WDFY4: variants seen among roughly 807,000 people sequenced by gnomAD.
WDFY4 encodes WD repeat- and FYVE domain-containing protein 4.
Under a neutral mutation model 351.9 loss-of-function variants are expected in WDFY4, and 169 were observed. The ratio of observed to expected loss-of-function variants is 0.48; its 90% CI spans 0.42 to 0.55. The LOEUF (loss-of-function observed/expected upper bound fraction) is 0.55. WDFY4 is among the 20% of genes least tolerant of loss of function. The probability of loss-of-function intolerance (pLI) is 0.00; values close to 1 mark genes in which losing one functional copy is unlikely to be tolerated. For synonymous variants in WDFY4, 1,622 were observed against 1,574.6 expected (o/e 1.03, Z -0.71); for missense variants, 3,803 against 3,935.6 (o/e 0.97, Z 0.90).
At chr10:48,920,379 AG>A (rs1226198282) in intron 47 of WDFY4, among the ~76,000 whole-genome samples, 1 of 108,730 alleles carries the variant, frequency 9.2e-6, no homozygotes, top group Non-Finnish European at 1.9e-5. Context: ...GGTGGGGGGA[AG>A]GGGGAGGGAT....
At chr10:48,891,047 T>C (rs928653982) in intron 44 of WDFY4, among the ~76,000 whole-genome samples, 4 of 152,192 alleles carry the variant, frequency 2.6e-5, no homozygotes, top group African/African-American at 9.6e-5. Context: ...CTCAACGACA[T>C]GTTAGTTGCT....
chr10:48,846,530 T>C (rs1215548060), intron 39 of WDFY4, among the ~76,000 whole-genome samples: 1 of 152,240 alleles, frequency 6.6e-6, no homozygotes, highest in Non-Finnish European at 1.5e-5. Context: ...TGTGAATCAC[T>C]GGCTGAAAAG....
intron 26 of WDFY4, 43 bp downstream of exon 26, chr10:48,805,464 G>A: frequency 6.5e-7 from 1 of 1,536,750 alleles, no homozygotes; most frequent in Non-Finnish European, 8.7e-7. Flanking sequence ...GGGCCCCAGG[G>A]CTGTTTAAAA....
intron 30 of WDFY4, among the ~76,000 whole-genome samples, chr10:48,812,582 C>A (rs1319917555): frequency 6.6e-6 from 1 of 152,182 alleles, no homozygotes; most frequent in Admixed American, 6.5e-5. Flanking sequence ...CACCTAAAAC[C>A]AGAGGCTGCC....
At chr10:48,891,628 G>A (rs539145525) in intron 44 of WDFY4, among the ~76,000 whole-genome samples, 2 of 152,328 alleles carry the variant, frequency 1.3e-5, no homozygotes, top group Admixed American at 1.3e-4. Context: ...CACCAGCATA[G>A]CCTGGAGGGC....
intron 13 of WDFY4, among the ~76,000 whole-genome samples, chr10:48,770,914 G>T (rs1258981932): frequency 3.3e-5 from 5 of 152,228 alleles, no homozygotes; most frequent in African/African-American, 1.2e-4. Context: ...CTGGCAAATG[G>T]TCACATTTCA....
intron 53 of WDFY4, among the ~76,000 whole-genome samples, chr10:48,960,838 G>T (rs1172595793): frequency 6.6e-6 from 1 of 152,230 alleles, no homozygotes; most frequent in Non-Finnish European, 1.5e-5. Flanking sequence ...TACATATCAT[G>T]TGATTTTTAT....
chr10:48,975,132 C>G (rs114759759), intron 58 of WDFY4, 91 bp downstream of exon 58: 19 of 1,515,842 alleles, frequency 1.3e-5, no homozygotes, highest in Non-Finnish European at 1.5e-5. Context: ...CACAGAGACT[C>G]TAGCCACCCC....
chr10:48,844,712 C>T (rs2068718756), intron 39 of WDFY4, among the ~76,000 whole-genome samples: 2 of 152,138 alleles, frequency 1.3e-5, no homozygotes, highest in African/African-American at 4.8e-5. Context: ...ATCTTCGAAT[C>T]AAATGAAAGA....
chr10:48,830,117 TG>T (rs2068138848), intron 37 of WDFY4, among the ~76,000 whole-genome samples: 1 of 152,172 alleles, frequency 6.6e-6, no homozygotes, highest in South Asian at 2.1e-4. Flanking sequence ...GGATTACAGA[TG>T]TGGGGCACAG....
intron 1 of WDFY4, among the ~76,000 whole-genome samples, chr10:48,703,041 T>C (rs1014782132): frequency 6.6e-6 from 1 of 152,248 alleles, no homozygotes; most frequent in African/African-American, 2.4e-5. Context: ...TCATAGTACA[T>C]CACCTCTGTC....
At chr10:48,952,295 T>C (rs1054965148) in intron 51 of WDFY4, among the ~76,000 whole-genome samples, 1 of 152,172 alleles carries the variant, frequency 6.6e-6, no homozygotes, top group African/African-American at 2.4e-5. Flanking sequence ...AAGGCTCACA[T>C]AGGGCCAGCC....
intron 39 of WDFY4, among the ~76,000 whole-genome samples, chr10:48,850,484 T>C (rs2068921855): frequency 6.6e-6 from 1 of 151,716 alleles, no homozygotes; most frequent in Non-Finnish European, 1.5e-5. Context: ...TCATATGCGC[T>C]TTCCCTGTAA....
chr10:48,857,713 G>A (rs2133207379), intron 39 of WDFY4, among the ~76,000 whole-genome samples: 1 of 152,166 alleles, frequency 6.6e-6, no homozygotes, highest in South Asian at 2.1e-4. Flanking sequence ...GTGTACTAAG[G>A]TCTTTATATC....
At chr10:48,894,036 G>A (rs1366677925) in intron 44 of WDFY4, among the ~76,000 whole-genome samples, 8 of 152,106 alleles carry the variant, frequency 5.3e-5, no homozygotes, top group African/African-American at 9.7e-5. Context: ...TAGTATTGTC[G>A]AAGACTCCCA....
Position 48,959,716 on chromosome 10 carries a change from A to C in WDFY4, c.8132-6A>C. On this transcript the variant is annotated splice_region_variant and splice_polypyrimidine_tract_variant and intron_variant, in intron 52 of 61. Coordinates refer to ENST00000325239, the MANE Select transcript of WDFY4 (RefSeq NM_001394531.1). ...CCAAATCTCTGCTGCTTCTCATCCC[A>C]TGCAGGCTGCATGCAGGACGGGACT... 1 of 1,551,560 alleles carries C rather than the reference A, an allele frequency of 6.4e-7. No homozygotes were observed. Among genetic ancestry groups the C allele is most frequent in the Non-Finnish European group, 8.7e-7 (1 of 1,146,914 alleles).
chr10:48,767,147 G>T (rs1044067746), intron 13 of WDFY4, among the ~76,000 whole-genome samples: 1 of 152,228 alleles, frequency 6.6e-6, no homozygotes, highest in Non-Finnish European at 1.5e-5. Flanking sequence ...GCATGGCAGA[G>T]CGGCCACCCA....
At chr10:48,777,555 T>G in intron 17 of WDFY4, 60 bp downstream of exon 17, 2 of 1,450,338 alleles carry the variant, frequency 1.4e-6, no homozygotes, top group Admixed American at 3.9e-5. Flanking sequence ...AGTCTTCAGA[T>G]AGCCTTGATT....
intron 43 of WDFY4, among the ~76,000 whole-genome samples, chr10:48,882,654 A>G (rs1213080902): frequency 6.6e-6 from 1 of 152,168 alleles, no homozygotes; most frequent in Non-Finnish European, 1.5e-5. Flanking sequence ...AATGGGAGCC[A>G]GCGCATCACA....
Sources: gnomAD v4.1 joint callset for allele counts (sites outside exome capture counted in the v4.1 genomes callset) on GRCh38, gnomAD v4.1.1 for gene constraint, MANE v1.5 for transcripts, NCBI Gene and HGNC (gene_info 2026-07-23, HGNC 2026-07-21) for gene names.